The following FRMD4A variants were observed in gnomAD, a reference collection of about 807,000 sequenced individuals.
FRMD4A encodes the protein FERM domain containing 4A.
A neutral mutation model predicts 129.1 loss-of-function variants in FRMD4A; 29 were observed. The ratio of observed to expected loss-of-function variants is 0.22; its 90% CI spans 0.17 to 0.31. FRMD4A has a LOEUF of 0.31. Among genes scored for constraint, FRMD4A ranks in the 10% least tolerant of loss-of-function variants. FRMD4A has a pLI of 1.00. For synonymous variants in FRMD4A, 634 were observed against 571.6 expected (o/e 1.11, Z -1.56); for missense variants, 1,272 against 1,375.8 (o/e 0.92, Z 1.19).
intron 2 of FRMD4A, among the ~76,000 whole-genome samples, chr10:14,012,216 G>A (rs948213567): frequency 6.6e-6 from 1 of 152,066 alleles, no homozygotes; most frequent in Non-Finnish European, 1.5e-5. Context: ...GTGTGCAGGA[G>A]AGGGAGATGT....
intron 2 of FRMD4A, among the ~76,000 whole-genome samples, chr10:14,073,588 C>G (rs1835417174): frequency 6.6e-6 from 1 of 152,068 alleles, no homozygotes; most frequent in South Asian, 2.1e-4. Context: ...GGAAAGATCT[C>G]AGGGATGATG....
chr10:13,867,792 T>A (rs990030720), intron 2 of FRMD4A, among the ~76,000 whole-genome samples: 3 of 133,732 alleles, frequency 2.2e-5, no homozygotes, highest in East Asian at 4.0e-4. Context: ...AAATATATAA[T>A]ATAATATATA....
chr10:13,881,706 C>T (rs1008702132), intron 2 of FRMD4A, among the ~76,000 whole-genome samples: 6 of 152,032 alleles, frequency 3.9e-5, no homozygotes, highest in African/African-American at 9.7e-5. Flanking sequence ...AAAGAAGATA[C>T]GGTCCTACCC....
chr10:13,711,068 C>T (rs1476091502), intron 12 of FRMD4A, among the ~76,000 whole-genome samples: 2 of 152,138 alleles, frequency 1.3e-5, no homozygotes, highest in Admixed American at 6.5e-5. Context: ...GTGTGCATGT[C>T]AGAACAGTAG....
At chr10:13,933,342 G>A (rs1578773) in intron 2 of FRMD4A, among the ~76,000 whole-genome samples, 31,296 of 152,064 alleles carry the variant, frequency 0.21, 3,595 homozygotes, top group Non-Finnish European at 0.25. Flanking sequence ...CAATGGAATC[G>A]TCTGGAAGGT....
At chr10:14,157,702 T>G (rs766287554) in intron 2 of FRMD4A, among the ~76,000 whole-genome samples, 8 of 152,318 alleles carry the variant, frequency 5.3e-5, no homozygotes, top group Non-Finnish European at 1.0e-4. Context: ...AGTCTTCTAT[T>G]TGTACAGCAC....
In FRMD4A at chr10:13,777,698, C is replaced by T. The variant is rs200832896; in HGVS notation, c.384+5224G>A. On this transcript the variant is annotated intron_variant, in intron 6 of 24. Transcript: ENST00000357447. Reference sequence around the variant, plus strand: ...CCTAGGCGTGCATGATGTTCAGAGGCCTTCAGTGCCAGCTCAGCATTTGGG... The same window carrying T: ...CCTAGGCGTGCATGATGTTCAGAGGTCTTCAGTGCCAGCTCAGCATTTGGG... Among the ~76,000 whole-genome samples the T allele has an allele frequency of 3.9e-5, 6 of 152,080 alleles. No homozygotes were observed. The East Asian group carries it at 9.6e-4, about 24-fold the overall frequency.
chr10:14,018,827 T>C (rs1403353912), intron 2 of FRMD4A, among the ~76,000 whole-genome samples: 2 of 152,090 alleles, frequency 1.3e-5, no homozygotes, highest in South Asian at 4.1e-4. Context: ...TTTGGGGAGA[T>C]GATAATGAGT....
At chr10:13,948,599 A>G (rs2095349503) in intron 2 of FRMD4A, among the ~76,000 whole-genome samples, 1 of 151,556 alleles carries the variant, frequency 6.6e-6, no homozygotes, top group African/African-American at 2.4e-5. Flanking sequence ...GTCTGAGCAG[A>G]GAGCAGGTGG....
At chr10:13,681,322 T>C (rs1442412298) in intron 15 of FRMD4A, among the ~76,000 whole-genome samples, 1 of 152,174 alleles carries the variant, frequency 6.6e-6, no homozygotes, top group Non-Finnish European at 1.5e-5. Context: ...AAGCAAATAT[T>C]TGTAAACTCA....
At chr10:14,113,054 C>T (rs1265233390) in intron 2 of FRMD4A, among the ~76,000 whole-genome samples, 1 of 152,050 alleles carries the variant, frequency 6.6e-6, no homozygotes, top group Non-Finnish European at 1.5e-5. Flanking sequence ...ACTGGAATCC[C>T]CTACAGAGTT....
chr10:14,108,637 G>A (rs530338720), intron 2 of FRMD4A, among the ~76,000 whole-genome samples: 1 of 152,288 alleles, frequency 6.6e-6, no homozygotes, highest in South Asian at 2.1e-4. Context: ...AAGGACTGGG[G>A]AAATGGTTTG....
chr10:14,125,755 G>T (rs567097728), intron 2 of FRMD4A, among the ~76,000 whole-genome samples: 2 of 131,754 alleles, frequency 1.5e-5, no homozygotes, highest in Non-Finnish European at 3.3e-5. Context: ...ACACTCATGC[G>T]CACGCGCACA....
chr10:13,749,164 C>T (rs143622050), intron 8 of FRMD4A, among the ~76,000 whole-genome samples: 55 of 152,252 alleles, frequency 3.6e-4, no homozygotes, highest in African/African-American at 1.1e-3. Flanking sequence ...TCCTGGTCCA[C>T]CAAAGAGCCT....
chr10:13,775,721 G>T (rs2092580613), intron 6 of FRMD4A, among the ~76,000 whole-genome samples: 1 of 152,182 alleles, frequency 6.6e-6, no homozygotes, highest in African/African-American at 2.4e-5. Context: ...GGAGCAGGAG[G>T]TTGGAGGAGT....
chr10:13,933,296 A>G (rs1295772373), intron 2 of FRMD4A, among the ~76,000 whole-genome samples: 2 of 150,938 alleles, frequency 1.3e-5, no homozygotes, highest in Admixed American at 6.6e-5. Flanking sequence ...AACTTACTTC[A>G]TCCTCTTCGT....
At chr10:13,936,801 G>T (rs1258271469) in intron 2 of FRMD4A, among the ~76,000 whole-genome samples, 3 of 152,148 alleles carry the variant, frequency 2.0e-5, no homozygotes, top group Non-Finnish European at 2.9e-5. Flanking sequence ...TGCTTGGGTT[G>T]CTTTGTGTCT....
At chr10:13,863,723 C>T (rs1005887299) in intron 2 of FRMD4A, among the ~76,000 whole-genome samples, 1 of 151,100 alleles carries the variant, frequency 6.6e-6, no homozygotes, top group Non-Finnish European at 1.5e-5. Context: ...TACACCACTC[C>T]ACCTCACCCA....
intron 14 of FRMD4A, among the ~76,000 whole-genome samples, chr10:13,696,935 A>T (rs778096921): frequency 2.0e-5 from 3 of 152,228 alleles, no homozygotes; most frequent in Non-Finnish European, 2.9e-5. Context: ...TAGGATCTGC[A>T]TTAGGGCCTG....
Sources: allele counts gnomAD v4.1 joint callset (sites outside exome capture counted in the v4.1 genomes callset), GRCh38; gene constraint gnomAD v4.1.1; transcripts MANE v1.5; gene names NCBI Gene and HGNC (gene_info 2026-07-23, HGNC 2026-07-21).